PLXNC1: variants seen among roughly 807,000 people sequenced by gnomAD.
PLXNC1 encodes plexin-C1.
Under a neutral mutation model 178.2 loss-of-function variants are expected in PLXNC1, and 75 were observed. The ratio of observed to expected loss-of-function variants is 0.42; its 90% CI spans 0.35 to 0.51. PLXNC1 has a LOEUF of 0.51. Among genes scored for constraint, PLXNC1 ranks in the 20% least tolerant of loss-of-function variants. The probability of loss-of-function intolerance (pLI) is 0.02; values close to 1 mark genes in which losing one functional copy is unlikely to be tolerated. For missense variants in PLXNC1, 1,503 were observed against 1,984.4 expected, an observed-to-expected ratio of 0.76 and a Z score of 4.61; for synonymous variants, 790 against 779.9, an observed-to-expected ratio of 1.01 and a Z score of -0.22.
intron 9 of PLXNC1, among the ~76,000 whole-genome samples, chr12:94,236,782 A>G (rs1964253697): frequency 6.6e-6 from 1 of 152,226 alleles, no homozygotes; most frequent in African/African-American, 2.4e-5. Flanking sequence ...CTTGCTGAAA[A>G]TGGTCTACAA....
At chr12:94,165,081 A>G (rs1256562686) in intron 1 of PLXNC1, among the ~76,000 whole-genome samples, 2 of 152,212 alleles carry the variant, frequency 1.3e-5, no homozygotes, top group Non-Finnish European at 1.5e-5. Flanking sequence ...AATTACACAT[A>G]ATAAACTAGA....
rs1308748850 is a variant in PLXNC1, at chr12:94,227,196, C to A, written c.1941C>A (p.Pro647=). 1.2e-6 allele frequency: 2 copies of A among 1,612,982 alleles called. No individual in the cohort carries two copies. The highest frequency in any genetic ancestry group is 1.1e-5 in the South Asian group (1 of 91,062). The part of the protein sequence containing the change: ...AVEKTSGGGR[P]KENKGNRTNQ... ...AGAAGACATCAGGAGGAGGAAGACCCAAGGAGAACAAGGGGAACAGAACCA... is the reference window on the plus strand; with the variant it reads ...AGAAGACATCAGGAGGAGGAAGACCAAAGGAGAACAAGGGGAACAGAACCA... Residue 647 remains proline (P), a synonymous_variant, in exon 9 of 31, where the codon CCC becomes CCA. Coordinates refer to ENST00000258526, the MANE Select transcript of PLXNC1 (RefSeq NM_005761.3).
intron 1 of PLXNC1, among the ~76,000 whole-genome samples, chr12:94,154,536 A>G (rs1164573839): frequency 6.6e-6 from 1 of 152,226 alleles, no homozygotes; most frequent in African/African-American, 2.4e-5. Flanking sequence ...CAAAGCACGA[A>G]GGGTTAAATA....
chr12:94,300,144 A>G (rs1968323430), intron 27 of PLXNC1, among the ~76,000 whole-genome samples: 1 of 152,230 alleles, frequency 6.6e-6, no homozygotes, highest in South Asian at 2.1e-4. Context: ...AAAACAGATG[A>G]AAGTCCAGGT....
chr12:94,177,966 T>C (rs1263530384), intron 2 of PLXNC1, among the ~76,000 whole-genome samples: 1 of 152,242 alleles, frequency 6.6e-6, no homozygotes, highest in African/African-American at 2.4e-5. Flanking sequence ...AATGCCATGA[T>C]CACAGCTAAT....
chr12:94,279,895 T>TA, intron 22 of PLXNC1: 1 of 648,872 alleles, frequency 1.5e-6, no homozygotes, highest in Non-Finnish European at 2.8e-6. Flanking sequence ...CTTTAAATAT[T>TA]ACGTCTGTAA....
At chr12:94,206,165 A>G (rs955746161) in intron 4 of PLXNC1, among the ~76,000 whole-genome samples, 1 of 152,332 alleles carries the variant, frequency 6.6e-6, no homozygotes, top group East Asian at 1.9e-4. Flanking sequence ...CCCACTGTAT[A>G]TAAAGACTTT....
chr12:94,161,336 T>C (rs1172773011), intron 1 of PLXNC1, among the ~76,000 whole-genome samples: 4 of 151,978 alleles, frequency 2.6e-5, no homozygotes, highest in African/African-American at 9.7e-5. Flanking sequence ...AAATAATAGG[T>C]GGATGAGTGG....
chr12:94,219,986 TC>T, intron 5 of PLXNC1, 29 bp from the exon 6 acceptor site: 1 of 1,598,718 alleles, frequency 6.3e-7, no homozygotes, highest in Non-Finnish European at 8.5e-7. Context: ...GCAAAAATCA[TC>T]ATTTTTTCCC....
intron 6 of PLXNC1, among the ~76,000 whole-genome samples, chr12:94,222,536 C>CT (rs1236705175): frequency 6.6e-6 from 1 of 152,236 alleles, no homozygotes; most frequent in Non-Finnish European, 1.5e-5. Context: ...ACACCCCTAT[C>CT]TTGGCACCCA....
At chr12:94,227,388 CT>C in intron 9 of PLXNC1, 153 bp downstream of exon 9, 1 of 559,432 alleles carries the variant, frequency 1.8e-6, no homozygotes. Context: ...CCAAGTTTCA[CT>C]TAATTAGCGC....
At position 94,288,605 on chromosome 12, in the gene PLXNC1, G is replaced by A. The variant is rs537626548; in HGVS notation, c.3880-5881G>A. Among the ~76,000 whole-genome samples the A allele has an allele frequency of 4.6e-5, 7 of 152,368 alleles. No homozygotes were observed. The East Asian group carries it at 1.3e-3, about 29-fold the overall frequency. Reference sequence around the variant, plus strand: ...ACCTTCTGTGTGATTTGACCAGCCTGTGGAGGATGTTCTGACGGCCCCTTC... The same window carrying A: ...ACCTTCTGTGTGATTTGACCAGCCTATGGAGGATGTTCTGACGGCCCCTTC... On this transcript the variant is annotated intron_variant, in intron 23 of 30. Transcript: ENST00000258526.
chr12:94,170,965 C>A (rs1359860866), intron 2 of PLXNC1, among the ~76,000 whole-genome samples: 1 of 152,158 alleles, frequency 6.6e-6, no homozygotes, highest in Non-Finnish European at 1.5e-5. Flanking sequence ...TTCCATCAAG[C>A]CTTTCTGGGC....
chr12:94,184,312 G>A (rs946424142), intron 3 of PLXNC1, among the ~76,000 whole-genome samples: 7 of 151,008 alleles, frequency 4.6e-5, no homozygotes, highest in South Asian at 2.1e-4. Context: ...TTTTAATAGA[G>A]ACGGGGTTTC....
At chr12:94,246,450 C>G (rs949187680) in intron 12 of PLXNC1, among the ~76,000 whole-genome samples, 5 of 151,982 alleles carry the variant, frequency 3.3e-5, no homozygotes, top group Admixed American at 1.3e-4. Context: ...GGAGTGAGAG[C>G]ACAGAGGAGG....
chr12:94,189,056 G>C (rs887000640), intron 4 of PLXNC1, among the ~76,000 whole-genome samples: 2 of 152,222 alleles, frequency 1.3e-5, no homozygotes, highest in African/African-American at 4.8e-5. Flanking sequence ...AAGCATTAGG[G>C]CCCACTTGAG....
At chr12:94,176,026 C>T (rs1962036807) in intron 2 of PLXNC1, among the ~76,000 whole-genome samples, 1 of 152,126 alleles carries the variant, frequency 6.6e-6, no homozygotes, top group Non-Finnish European at 1.5e-5. Flanking sequence ...GGAGAAGGTT[C>T]AGATTGACTT....
chr12:94,208,066 G>A (rs895458520), intron 4 of PLXNC1, among the ~76,000 whole-genome samples: 3 of 152,154 alleles, frequency 2.0e-5, no homozygotes, highest in African/African-American at 7.2e-5. Context: ...ATCCAGCAGT[G>A]CTTGTCTCTC....
intron 20 of PLXNC1, chr12:94,262,540 G>C (rs972723904): frequency 1.0e-6 from 1 of 985,450 alleles, no homozygotes; most frequent in Non-Finnish European, 1.2e-6. Flanking sequence ...ATTCAAGAGC[G>C]TCTCGAGCAC....
Sources: allele counts gnomAD v4.1 joint callset (sites outside exome capture counted in the v4.1 genomes callset), GRCh38; gene constraint gnomAD v4.1.1; transcripts MANE v1.5; gene names NCBI Gene and HGNC (gene_info 2026-07-23, HGNC 2026-07-21).